ASTN2: variants seen among roughly 807,000 people sequenced by gnomAD.
ASTN2 encodes astrotactin 2, also known as astrotactin-2.
ASTN2 carries 54 observed loss-of-function variants against 139.8 expected under a neutral mutation model. That is an observed-to-expected ratio of 0.39 (90% CI 0.31 to 0.48). The LOEUF is 0.48. Ranked by LOEUF, ASTN2 falls within the 20% of genes least tolerant of loss-of-function variation. The probability of loss-of-function intolerance (pLI) is 0.95; values close to 1 mark genes in which losing one functional copy is unlikely to be tolerated. For missense variants in ASTN2, 1,565 were observed against 1,725.1 expected (o/e 0.91, Z 1.64); for synonymous variants, 756 against 719.5 (o/e 1.05, Z -0.81).
intron 1 of ASTN2, among the ~76,000 whole-genome samples, chr9:117,329,901 T>G (rs1234569627): frequency 6.6e-6 from 1 of 152,218 alleles, no homozygotes; most frequent in Non-Finnish European, 1.5e-5. Flanking sequence ...GCACTTCTCA[T>G]GCACTCTCCC....
chr9:116,464,571 T>A (rs1383535041), intron 20 of ASTN2, among the ~76,000 whole-genome samples: 1 of 152,194 alleles, frequency 6.6e-6, no homozygotes, highest in East Asian at 1.9e-4. Flanking sequence ...CATGTATGGA[T>A]GTTTGTGCTG....
rs141541669 is a variant in ASTN2, at chr9:116,543,369, C to G, written c.3356-55869G>C. ...GGAGGATCACCCAAGCCTAGGGAGG[C>G]TGAGGCTGCAATGATCCATCATTTT... On this transcript the variant is annotated intron_variant, in intron 19 of 22. Transcript: ENST00000313400. 3.3e-3 allele frequency among the ~76,000 whole-genome samples: 501 copies of G among 151,206 alleles called. 3 individuals carry two copies. Among genetic ancestry groups the G allele is most frequent in the African/African-American group, 0.012 (479 of 41,144 alleles).
At chr9:117,147,407 G>A (rs886529145) in intron 3 of ASTN2, among the ~76,000 whole-genome samples, 1 of 150,350 alleles carries the variant, frequency 6.7e-6, no homozygotes, top group African/African-American at 2.5e-5. Flanking sequence ...TTGCACTCCA[G>A]TCTGGGTGAA....
At chr9:116,752,948 C>T (rs145835903) in intron 13 of ASTN2, among the ~76,000 whole-genome samples, 94 of 152,178 alleles carry the variant, frequency 6.2e-4, no homozygotes, top group Admixed American at 2.2e-3. Flanking sequence ...TTTGGAGAAT[C>T]GTTTGGCAGT....
chr9:117,389,583 C>T (rs1830491302), intron 1 of ASTN2, among the ~76,000 whole-genome samples: 1 of 152,130 alleles, frequency 6.6e-6, no homozygotes, highest in Non-Finnish European at 1.5e-5. Context: ...TTTAGCTCTT[C>T]CCCAGTGGTC....
intron 19 of ASTN2, among the ~76,000 whole-genome samples, chr9:116,587,114 G>A (rs1489412623): frequency 6.6e-6 from 1 of 152,106 alleles, no homozygotes; most frequent in African/African-American, 2.4e-5. Context: ...GCTGAGGTGG[G>A]CGGATCACCT....
chr9:117,184,239 C>A lies in ASTN2; in HGVS notation c.1015+30119G>T, dbSNP rs1380298348. Among the ~76,000 whole-genome samples, 3 of 152,196 alleles carry A rather than the reference C, an allele frequency of 2.0e-5. No individual in the cohort carries two copies. In the East Asian group the frequency reaches 5.8e-4, roughly 29 times the overall value. On this transcript the variant is annotated intron_variant, in intron 3 of 22. Transcript: ENST00000313400. Reference sequence around the variant, plus strand: ...CCCTCTGTAGCATACTGCCTCCTCTCCCCTGGAGCAGAGCCGGGGGTATAG... The same window carrying A: ...CCCTCTGTAGCATACTGCCTCCTCTACCCTGGAGCAGAGCCGGGGGTATAG...
intron 19 of ASTN2, among the ~76,000 whole-genome samples, chr9:116,567,586 C>T (rs1264879148): frequency 6.6e-6 from 1 of 152,010 alleles, no homozygotes; most frequent in African/African-American, 2.4e-5. Flanking sequence ...ATCAAAATGG[C>T]CTTGGAGGAC....
intron 5 of ASTN2, among the ~76,000 whole-genome samples, chr9:117,086,975 G>A (rs1008807475): frequency 3.9e-5 from 6 of 152,078 alleles, no homozygotes; most frequent in Non-Finnish European, 8.8e-5. Context: ...ATAGAATACT[G>A]CTTGATCTGT....
At chr9:117,194,112 G>T (rs1158662346) in intron 3 of ASTN2, among the ~76,000 whole-genome samples, 1 of 152,180 alleles carries the variant, frequency 6.6e-6, no homozygotes, top group African/African-American at 2.4e-5. Context: ...GGCCTATAGG[G>T]TTGGGTAAAA....
intron 19 of ASTN2, among the ~76,000 whole-genome samples, chr9:116,508,933 C>T (rs1036318105): frequency 6.6e-6 from 1 of 152,188 alleles, no homozygotes; most frequent in Non-Finnish European, 1.5e-5. Flanking sequence ...ATCCAGGTGG[C>T]ACTTCTGAGT....
intron 10 of ASTN2, among the ~76,000 whole-genome samples, chr9:116,909,163 C>T (rs953832183): frequency 5.3e-5 from 8 of 151,996 alleles, no homozygotes; most frequent in Admixed American, 5.2e-4. Flanking sequence ...TTGATAATTC[C>T]AGATATTGTG....
chr9:116,647,939 C>T (rs1857685864), intron 17 of ASTN2, among the ~76,000 whole-genome samples: 2 of 152,092 alleles, frequency 1.3e-5, no homozygotes, highest in Admixed American at 1.3e-4. Context: ...GCGATCCTCC[C>T]ACCTCAGCCT....
At chr9:116,630,854 T>C (rs560097423) in intron 17 of ASTN2, among the ~76,000 whole-genome samples, 1 of 151,222 alleles carries the variant, frequency 6.6e-6, no homozygotes, top group South Asian at 2.1e-4. Flanking sequence ...AGCAAAAAAA[T>C]CCCAAAACAG....
intron 4 of ASTN2, among the ~76,000 whole-genome samples, chr9:117,128,400 A>AG (rs1468781007): frequency 1.6e-5 from 2 of 124,614 alleles, no homozygotes; most frequent in African/African-American, 5.7e-5. Context: ...AAAAAAAAAA[A>AG]GAAATCAAGG....
At chr9:116,986,959 C>T (rs2132544873) in intron 7 of ASTN2, among the ~76,000 whole-genome samples, 1 of 152,328 alleles carries the variant, frequency 6.6e-6, no homozygotes, top group Non-Finnish European at 1.5e-5. Flanking sequence ...AGCCAGAAGG[C>T]TTAATGTGCA....
intron 11 of ASTN2, among the ~76,000 whole-genome samples, chr9:116,858,961 A>G (rs1272675393): frequency 2.6e-5 from 4 of 152,162 alleles, no homozygotes; most frequent in African/African-American, 7.2e-5. Flanking sequence ...TTGGGTCTCA[A>G]TGGGCTAAAA....
At chr9:117,076,188 T>C (rs1828275645) in intron 5 of ASTN2, among the ~76,000 whole-genome samples, 1 of 152,238 alleles carries the variant, frequency 6.6e-6, no homozygotes, top group Admixed American at 6.5e-5. Context: ...GGGCACCTGC[T>C]GAGCTTCGTG....
At chr9:117,116,037 CAT>C (rs113795526) in intron 4 of ASTN2, among the ~76,000 whole-genome samples, 24 of 140,266 alleles carry the variant, frequency 1.7e-4, no homozygotes, top group Non-Finnish European at 1.5e-4. Flanking sequence ...AAAAAAAATG[CAT>C]ATATATATAT....
Sources: allele counts gnomAD v4.1 joint callset (sites outside exome capture counted in the v4.1 genomes callset), GRCh38; gene constraint gnomAD v4.1.1; transcripts MANE v1.5; gene names NCBI Gene and HGNC (gene_info 2026-07-23, HGNC 2026-07-21).